The following IMMP2L variants were observed in gnomAD, a reference collection of about 807,000 sequenced individuals.
IMMP2L encodes inner mitochondrial membrane peptidase subunit 2.
Under a neutral mutation model 19.3 loss-of-function variants are expected in IMMP2L, and 18 were observed. The observed-to-expected ratio is 0.93, with a 90% confidence interval of 0.64 to 1.38. The LOEUF is 1.38. IMMP2L is among the 40% of genes most tolerant of loss of function. The pLI is 0.00. For missense variants in IMMP2L, 233 were observed against 218.2 expected, an observed-to-expected ratio of 1.07 and a Z score of -0.43; for synonymous variants, 76 against 73.0, an observed-to-expected ratio of 1.04 and a Z score of -0.21.
chr7:110,929,156 T>C lies in IMMP2L; in HGVS notation c.305+34344A>G, dbSNP rs1467542948. Among the ~76,000 whole-genome samples the C allele has an allele frequency of 2.6e-5, 4 of 152,190 alleles. No individual in the cohort carries two copies. In the East Asian group the frequency reaches 7.7e-4, roughly 29 times the overall value. ...AAAGATGAGACTTAAGTGTACATGA[T>C]GCCGCCCCATCAAATTTGCAAGCTA... On this transcript the variant is annotated intron_variant, in intron 4 of 5. Coordinates refer to ENST00000405709, the MANE Select transcript of IMMP2L (RefSeq NM_032549.4).
intron 5 of IMMP2L, among the ~76,000 whole-genome samples, chr7:110,676,552 A>C (rs1288908187): frequency 6.6e-6 from 1 of 152,200 alleles, no homozygotes; most frequent in African/African-American, 2.4e-5. Flanking sequence ...ATAAGCATTT[A>C]CTGAATGAGT....
intron 5 of IMMP2L, among the ~76,000 whole-genome samples, chr7:110,883,331 C>A (rs1344671767): frequency 6.6e-6 from 1 of 152,098 alleles, no homozygotes; most frequent in Non-Finnish European, 1.5e-5. Flanking sequence ...AATAATAGTT[C>A]TAATGCTCAT....
chr7:111,008,579 GCA>G (rs140960249), intron 3 of IMMP2L, among the ~76,000 whole-genome samples: 4 of 150,354 alleles, frequency 2.7e-5, no homozygotes, highest in African/African-American at 4.9e-5. Context: ...CCACACACGT[GCA>G]CACACACACA....
chr7:110,814,598 T>C (rs970350708), intron 5 of IMMP2L, among the ~76,000 whole-genome samples: 1 of 150,592 alleles, frequency 6.6e-6, no homozygotes, highest in African/African-American at 2.4e-5. Flanking sequence ...GATTTCTTTT[T>C]CTTTTTTTCT....
intron 5 of IMMP2L, among the ~76,000 whole-genome samples, chr7:110,875,186 C>T (rs981280385): frequency 6.6e-6 from 1 of 152,132 alleles, no homozygotes; most frequent in Non-Finnish European, 1.5e-5. Flanking sequence ...GTACCATGCA[C>T]TTTGATGAAT....
At chr7:111,387,928 A>G (rs1274401583) in intron 3 of IMMP2L, among the ~76,000 whole-genome samples, 1 of 148,930 alleles carries the variant, frequency 6.7e-6, no homozygotes, top group Admixed American at 6.8e-5. Flanking sequence ...GTGAGCCAAC[A>G]TCACACCACT....
chr7:111,303,295 T>C lies in IMMP2L; in HGVS notation c.239+183943A>G, dbSNP rs373152174. Among the ~76,000 whole-genome samples, 16 of 152,216 alleles carry C rather than the reference T, an allele frequency of 1.1e-4. No homozygotes were observed. The East Asian group carries it at 2.5e-3, about 24-fold the overall frequency. ...TCAACTAGTAAGTATTAGCAATTTATAACGTATGAATATGTTCTCACTCTT... is the reference window on the plus strand; with the variant it reads ...TCAACTAGTAAGTATTAGCAATTTACAACGTATGAATATGTTCTCACTCTT... On this transcript the variant is annotated intron_variant, in intron 3 of 5. Coordinates refer to ENST00000405709, the MANE Select transcript of IMMP2L (RefSeq NM_032549.4).
chr7:111,171,573 A>T (rs1806454588), intron 3 of IMMP2L, among the ~76,000 whole-genome samples: 1 of 151,646 alleles, frequency 6.6e-6, no homozygotes, highest in Non-Finnish European at 1.5e-5. Context: ...AACATTTATG[A>T]AAAATGTATT....
At position 111,427,956 on chromosome 7, in the gene IMMP2L, G is replaced by A. The variant is rs1332045591; in HGVS notation, c.239+59282C>T. Reference sequence around the variant, plus strand: ...AATATAATTTTGCTGGAATACTAATGATATTCATTTTAAAATCTGAGTGCT... The same window carrying A: ...AATATAATTTTGCTGGAATACTAATAATATTCATTTTAAAATCTGAGTGCT... On this transcript the variant is annotated intron_variant, in intron 3 of 5. Transcript: ENST00000405709. Among the ~76,000 whole-genome samples, 4 of 151,676 alleles carry A rather than the reference G, an allele frequency of 2.6e-5. No individual in the cohort carries two copies. The South Asian group carries it at 8.3e-4, about 31-fold the overall frequency.
At chr7:110,765,793 A>C (rs771198395) in intron 5 of IMMP2L, among the ~76,000 whole-genome samples, 6 of 152,158 alleles carry the variant, frequency 3.9e-5, no homozygotes, top group Non-Finnish European at 7.4e-5. Flanking sequence ...TTAATACTTT[A>C]TTTACTATAA....
chr7:110,705,472 A>T (rs1374993825), intron 5 of IMMP2L, among the ~76,000 whole-genome samples: 2 of 152,182 alleles, frequency 1.3e-5, no homozygotes, highest in Non-Finnish European at 2.9e-5. Context: ...CCAACATAAT[A>T]AAAGATTATA....
intron 3 of IMMP2L, among the ~76,000 whole-genome samples, chr7:111,161,264 C>T (rs1805232696): frequency 6.6e-6 from 1 of 151,674 alleles, no homozygotes; most frequent in Non-Finnish European, 1.5e-5. Flanking sequence ...GCTTTGACGA[C>T]AAAACAGAAA....
At chr7:111,116,004 C>T (rs1799839808) in intron 3 of IMMP2L, among the ~76,000 whole-genome samples, 1 of 152,066 alleles carries the variant, frequency 6.6e-6, no homozygotes, top group African/African-American at 2.4e-5. Flanking sequence ...AAAACTATCC[C>T]CATGTAGCAC....
At position 111,364,746 on chromosome 7, in the gene IMMP2L, G is replaced by A. The variant is rs899188106; in HGVS notation, c.239+122492C>T. On this transcript the variant is annotated intron_variant, in intron 3 of 5. Transcript: ENST00000405709. ...AGCACTTTGGGACGCCAAGGCAGGC[G>A]AATCACTTGAGGTCAGGAGATCAAG... Among the ~76,000 whole-genome samples the A allele has an allele frequency of 9.2e-5, 14 of 151,814 alleles. 1 individual carries two copies. Among genetic ancestry groups the A allele is most frequent in the African/African-American group, 2.7e-4 (11 of 41,358 alleles).
At chr7:111,480,919 G>C (rs1842125107) in intron 3 of IMMP2L, among the ~76,000 whole-genome samples, 1 of 152,106 alleles carries the variant, frequency 6.6e-6, no homozygotes, top group African/African-American at 2.4e-5. Context: ...TCCTTGGTTG[G>C]TCAAGGAACC....
chr7:111,084,270 T>C (rs932437168), intron 3 of IMMP2L, among the ~76,000 whole-genome samples: 2 of 144,614 alleles, frequency 1.4e-5, no homozygotes, highest in African/African-American at 2.6e-5. Flanking sequence ...TGTAATTCTC[T>C]AGGTAACGAG....
chr7:111,262,000 G>C (rs771774578), intron 3 of IMMP2L, among the ~76,000 whole-genome samples: 13 of 152,084 alleles, frequency 8.5e-5, no homozygotes, highest in Non-Finnish European at 1.8e-4. Context: ...TCTGTTAGGA[G>C]ATGACAGTGG....
At chr7:111,512,183 T>C (rs115049406) in intron 2 of IMMP2L, among the ~76,000 whole-genome samples, 14 of 152,282 alleles carry the variant, frequency 9.2e-5, no homozygotes, top group African/African-American at 3.1e-4. Context: ...ATACAGAGAA[T>C]ACTTTTTGCA....
intron 5 of IMMP2L, among the ~76,000 whole-genome samples, chr7:110,853,556 G>A (rs947629070): frequency 6.6e-6 from 1 of 152,094 alleles, no homozygotes; most frequent in East Asian, 1.9e-4. Flanking sequence ...TATAATGTTA[G>A]TTACCTTGTG....
Sources: allele counts gnomAD v4.1 joint callset (sites outside exome capture counted in the v4.1 genomes callset), GRCh38; gene constraint gnomAD v4.1.1; transcripts MANE v1.5; gene names NCBI Gene and HGNC (gene_info 2026-07-23, HGNC 2026-07-21).